Variants in TTC28 observed in about 807,000 individuals in gnomAD.
The protein encoded by TTC28 is tetratricopeptide repeat protein 28.
In TTC28, 61 loss-of-function variants were observed where a neutral mutation model predicts 198.0. The ratio of observed to expected loss-of-function variants is 0.31; its 90% CI spans 0.25 to 0.38. TTC28 has a LOEUF of 0.38. Ranked by LOEUF, TTC28 falls within the 10% of genes least tolerant of loss-of-function variation. The pLI is 1.00. For synonymous variants in TTC28, 1,171 were observed against 1,297.8 expected (o/e 0.90, Z 2.10); for missense variants, 2,678 against 3,164.0 (o/e 0.85, Z 3.69).
chr22:28,397,257 C>T (rs1402267774), intron 2 of TTC28, among the ~76,000 whole-genome samples: 1 of 152,142 alleles, frequency 6.6e-6, no homozygotes, highest in Admixed American at 6.5e-5. Flanking sequence ...CCCTTCATAA[C>T]TTTCATAAAA....
intron 2 of TTC28, among the ~76,000 whole-genome samples, chr22:28,380,407 C>T (rs2046476668): frequency 6.6e-6 from 1 of 152,124 alleles, no homozygotes; most frequent in Non-Finnish European, 1.5e-5. Flanking sequence ...TTTCTCAAAG[C>T]TGTGACACAT....
chr22:28,154,799 TA>T (rs1277955913), intron 6 of TTC28, among the ~76,000 whole-genome samples: 1 of 152,184 alleles, frequency 6.6e-6, no homozygotes, highest in Non-Finnish European at 1.5e-5. Flanking sequence ...ATAAAACAAA[TA>T]AAAGGTGAAT....
chr22:28,562,353 A>G (rs2049897936), intron 2 of TTC28, among the ~76,000 whole-genome samples: 1 of 152,218 alleles, frequency 6.6e-6, no homozygotes. Context: ...TGAGCAAAAC[A>G]AAAGTTATTT....
intron 12 of TTC28, among the ~76,000 whole-genome samples, chr22:28,044,594 C>T (rs1041284269): frequency 6.6e-6 from 1 of 152,108 alleles, no homozygotes; most frequent in Non-Finnish European, 1.5e-5. Context: ...CTAATGCTAT[C>T]CCTCCCCGCT....
intron 2 of TTC28, among the ~76,000 whole-genome samples, chr22:28,515,209 G>GT (rs1430988511): frequency 6.6e-6 from 1 of 151,988 alleles, no homozygotes; most frequent in African/African-American, 2.4e-5. Context: ...TTTCAATAAT[G>GT]TTGTTTTTTC....
intron 2 of TTC28, among the ~76,000 whole-genome samples, chr22:28,334,901 T>G (rs1289021951): frequency 2.0e-5 from 3 of 152,186 alleles, no homozygotes; most frequent in Admixed American, 6.5e-5. Flanking sequence ...GCCATTGCTT[T>G]TGGTGTTTTA....
chr22:28,649,722 T>C (rs906961104), intron 1 of TTC28, among the ~76,000 whole-genome samples: 4 of 152,214 alleles, frequency 2.6e-5, no homozygotes, highest in Non-Finnish European at 5.9e-5. Context: ...GAGAAAATCA[T>C]TTGGCTTGTT....
intron 12 of TTC28, among the ~76,000 whole-genome samples, chr22:28,035,088 C>T (rs1006221204): frequency 1.3e-5 from 2 of 152,150 alleles, no homozygotes; most frequent in Non-Finnish European, 2.9e-5. Flanking sequence ...CACGCTTGCT[C>T]CCTGCCATTC....
At chr22:28,347,055 G>A (rs1306432535) in intron 2 of TTC28, among the ~76,000 whole-genome samples, 2 of 152,106 alleles carry the variant, frequency 1.3e-5, no homozygotes, top group African/African-American at 4.8e-5. Flanking sequence ...TTGAGGTCAG[G>A]AGTTCCAGAT....
At chr22:28,497,305 C>T (rs2048470574) in intron 2 of TTC28, among the ~76,000 whole-genome samples, 1 of 151,936 alleles carries the variant, frequency 6.6e-6, no homozygotes, top group Non-Finnish European at 1.5e-5. Flanking sequence ...GAAAACTAAA[C>T]AAATACAAAA....
chr22:28,196,474 G>A (rs908589627), intron 5 of TTC28, among the ~76,000 whole-genome samples: 46 of 152,106 alleles, frequency 3.0e-4, no homozygotes, highest in African/African-American at 1.1e-3. Context: ...TGCACAGCAA[G>A]AGAAACTACC....
chr22:28,193,837 G>A (rs1925129760), intron 5 of TTC28, among the ~76,000 whole-genome samples: 1 of 152,092 alleles, frequency 6.6e-6, no homozygotes, highest in African/African-American at 2.4e-5. Context: ...CAAGAATAAT[G>A]AGAGACTTTA....
intron 12 of TTC28, among the ~76,000 whole-genome samples, chr22:28,089,756 T>C (rs147428307): frequency 0.069 from 10,356 of 149,290 alleles, 395 homozygotes; most frequent in South Asian, 0.085. Flanking sequence ...AAATGTGGCA[T>C]GTATACACCA....
rs575406833 is a variant in TTC28, at chr22:28,036,770, A to G, written c.3933-6404T>C. On this transcript the variant is annotated intron_variant, in intron 12 of 22. Coordinates refer to ENST00000397906, the MANE Select transcript of TTC28 (RefSeq NM_001145418.2). ...GGATCAACAAAATTGACAGACCGCT[A>G]GCAAGACTAATAAAGAAGAAAAGAG... is the stretch of plus-strand genomic sequence containing the variant. 1.1e-3 allele frequency among the ~76,000 whole-genome samples: 162 copies of G among 152,328 alleles called. 1 individual carries two copies. Among genetic ancestry groups the G allele is most frequent in the South Asian group, 1.9e-3 (9 of 4,830 alleles).
chr22:28,259,929 A>G (rs1226149877), intron 5 of TTC28, among the ~76,000 whole-genome samples: 2 of 152,202 alleles, frequency 1.3e-5, no homozygotes, highest in Non-Finnish European at 2.9e-5. Context: ...GCAGAAAGTC[A>G]GTTTTCAGCT....
At chr22:28,140,216 T>C (rs1464949670) in intron 6 of TTC28, among the ~76,000 whole-genome samples, 1 of 152,174 alleles carries the variant, frequency 6.6e-6, no homozygotes, top group African/African-American at 2.4e-5. Flanking sequence ...ACACTCTGGA[T>C]TCAGGAAATC....
intron 2 of TTC28, among the ~76,000 whole-genome samples, chr22:28,574,408 C>T (rs1386588773): frequency 6.6e-6 from 1 of 151,858 alleles, no homozygotes; most frequent in Non-Finnish European, 1.5e-5. Flanking sequence ...TCCACATTTT[C>T]TTTATCCATT....
At chr22:28,124,875 G>C (rs1025225438) in intron 6 of TTC28, among the ~76,000 whole-genome samples, 1 of 152,190 alleles carries the variant, frequency 6.6e-6, no homozygotes, top group Non-Finnish European at 1.5e-5. Context: ...AGTCCTATAG[G>C]TTCCCCAATT....
At chr22:28,588,530 T>C (rs1216083873) in intron 2 of TTC28, among the ~76,000 whole-genome samples, 1 of 152,198 alleles carries the variant, frequency 6.6e-6, no homozygotes, top group Non-Finnish European at 1.5e-5. Flanking sequence ...AGCACTTGAT[T>C]ACTGGAAGCA....
Sources: gnomAD v4.1 joint callset for allele counts (sites outside exome capture counted in the v4.1 genomes callset) on GRCh38, gnomAD v4.1.1 for gene constraint, MANE v1.5 for transcripts, NCBI Gene and HGNC (gene_info 2026-07-23, HGNC 2026-07-21) for gene names.